The following PTPRM variants were observed in gnomAD, a reference collection of about 807,000 sequenced individuals.
PTPRM encodes the protein receptor-type tyrosine-protein phosphatase mu.
PTPRM carries 47 observed loss-of-function variants against 186.7 expected under a neutral mutation model. That is an observed-to-expected ratio of 0.25 (90% CI 0.20 to 0.32). The LOEUF is 0.32. Among genes scored for constraint, PTPRM ranks in the 10% least tolerant of loss-of-function variants. The pLI is 1.00. For synonymous variants in PTPRM, 668 were observed against 674.9 expected, an observed-to-expected ratio of 0.99 and a Z score of 0.16; for missense variants, 1,494 against 1,865.0, an observed-to-expected ratio of 0.80 and a Z score of 3.66.
chr18:7,633,976 C>T (rs1442066766), intron 1 of PTPRM, among the ~76,000 whole-genome samples: 3 of 152,072 alleles, frequency 2.0e-5, no homozygotes, highest in Non-Finnish European at 4.4e-5. Flanking sequence ...ATCACAGAGC[C>T]TCCAAAGTCT....
At chr18:8,297,288 C>T (rs947114575) in intron 20 of PTPRM, among the ~76,000 whole-genome samples, 9 of 152,218 alleles carry the variant, frequency 5.9e-5, no homozygotes, top group African/African-American at 2.2e-4. Context: ...TCTCGCTCCT[C>T]GTGTCTCATT....
chr18:8,061,386 C>G (rs1333951526), intron 7 of PTPRM, among the ~76,000 whole-genome samples: 1 of 142,302 alleles, frequency 7.0e-6, no homozygotes, highest in Non-Finnish European at 1.5e-5. Flanking sequence ...ATACAGCACA[C>G]TGATGGGTCT....
In PTPRM at chr18:7,816,320, C is replaced by A. The variant is rs570435860; in HGVS notation, c.196+42049C>A. 3.3e-5 allele frequency among the ~76,000 whole-genome samples: 5 copies of A among 152,292 alleles called. 1 individual carries two copies. In the South Asian group the frequency reaches 1.0e-3, roughly 32 times the overall value. On this transcript the variant is annotated intron_variant, in intron 2 of 32. Coordinates refer to ENST00000580170, the MANE Select transcript of PTPRM (RefSeq NM_001105244.2). ...GGCATAGAGATCTTCCAATTAGTTT[C>A]TTCCAACTTTTCTCTTGCATATAAC... is the stretch of plus-strand genomic sequence containing the variant.
intron 2 of PTPRM, among the ~76,000 whole-genome samples, chr18:7,847,706 G>A (rs2046665852): frequency 6.6e-6 from 1 of 152,112 alleles, no homozygotes; most frequent in Non-Finnish European, 1.5e-5. Flanking sequence ...AGATTAAAAA[G>A]GAAGGACCTT....
At chr18:7,770,698 A>G (rs2042232935) in intron 1 of PTPRM, among the ~76,000 whole-genome samples, 1 of 152,210 alleles carries the variant, frequency 6.6e-6, no homozygotes, top group Non-Finnish European at 1.5e-5. Context: ...CAGAACCTAT[A>G]CATTTTGCTA....
chr18:8,384,973 G>C (rs1217445386), intron 30 of PTPRM, among the ~76,000 whole-genome samples: 1 of 152,208 alleles, frequency 6.6e-6, no homozygotes, highest in Non-Finnish European at 1.5e-5. Context: ...GAGAGAGAGT[G>C]GGCTCAACTC....
intron 7 of PTPRM, among the ~76,000 whole-genome samples, chr18:7,984,549 A>G (rs1275942250): frequency 7.5e-6 from 1 of 133,340 alleles, no homozygotes; most frequent in African/African-American, 2.7e-5. Flanking sequence ...TAGTATACAT[A>G]TATGCCCCAT....
intron 2 of PTPRM, among the ~76,000 whole-genome samples, chr18:7,790,609 C>T (rs898907193): frequency 8.5e-5 from 13 of 152,144 alleles, no homozygotes; most frequent in African/African-American, 2.4e-4. Flanking sequence ...ATCTATTTTA[C>T]GAGTATTAAA....
chr18:8,243,344 C>T (rs139515903), intron 14 of PTPRM, among the ~76,000 whole-genome samples: 156 of 152,222 alleles, frequency 1.0e-3, no homozygotes, highest in Non-Finnish European at 1.7e-3. Context: ...GGGAACCCAG[C>T]GACATGACAT....
At chr18:7,714,247 C>A (rs946150152) in intron 1 of PTPRM, among the ~76,000 whole-genome samples, 49 of 152,140 alleles carry the variant, frequency 3.2e-4, no homozygotes, top group African/African-American at 1.2e-3. Context: ...GGAAACTGAA[C>A]AATCTCCTCC....
At chr18:8,266,866 C>A (rs1273209448) in intron 19 of PTPRM, among the ~76,000 whole-genome samples, 2 of 151,956 alleles carry the variant, frequency 1.3e-5, no homozygotes, top group Admixed American at 1.3e-4. Context: ...CGAGATCATA[C>A]CACTGCACTC....
rs1483617670 is a variant in PTPRM, at chr18:8,114,835, G to A, written c.2167+8G>A. The A allele has an allele frequency of 6.2e-7, 1 of 1,608,638 alleles. No individual in the cohort carries two copies. The highest frequency in any genetic ancestry group is 8.5e-7 in the Non-Finnish European group (1 of 1,176,886). ...TCCAAGTGGCCACAAAAGGTAGGTT[G>A]AAATTGTGGGATATTCTCCTAATTA... is the stretch of plus-strand genomic sequence containing the variant. On this transcript the variant is annotated splice_region_variant and intron_variant, in intron 13 of 32. Coordinates refer to ENST00000580170, the MANE Select transcript of PTPRM (RefSeq NM_001105244.2).
At chr18:8,296,495 CT>C (rs1405420846) in intron 20 of PTPRM, 40 bp downstream of exon 20, 3 of 1,436,322 alleles carry the variant, frequency 2.1e-6, no homozygotes, top group African/African-American at 1.4e-5. Context: ...GTAGAACTTC[CT>C]TTTTGCATCT....
intron 32 of PTPRM, among the ~76,000 whole-genome samples, chr18:8,396,525 G>C (rs559236324): frequency 6.6e-6 from 1 of 152,336 alleles, no homozygotes; most frequent in East Asian, 1.9e-4. Flanking sequence ...AATCAGTGGT[G>C]CACGCTGAAG....
intron 7 of PTPRM, among the ~76,000 whole-genome samples, chr18:8,006,984 A>T (rs2084226281): frequency 6.6e-6 from 1 of 152,196 alleles, no homozygotes; most frequent in Non-Finnish European, 1.5e-5. Flanking sequence ...TCTCTGTAGG[A>T]TACTTGTCAA....
intron 14 of PTPRM, among the ~76,000 whole-genome samples, chr18:8,165,034 T>A (rs2093298924): frequency 6.6e-6 from 1 of 151,700 alleles, no homozygotes. Context: ...CTGAGTACGG[T>A]GGCACACACC....
At chr18:8,363,465 A>G (rs1451662077) in intron 23 of PTPRM, among the ~76,000 whole-genome samples, 3 of 152,100 alleles carry the variant, frequency 2.0e-5, no homozygotes, top group Non-Finnish European at 4.4e-5. Flanking sequence ...ATCATGTACC[A>G]CTCTAAGAAA....
intron 14 of PTPRM, among the ~76,000 whole-genome samples, chr18:8,202,587 T>C (rs957023346): frequency 1.4e-5 from 2 of 140,824 alleles, no homozygotes; most frequent in Non-Finnish European, 3.0e-5. Context: ...ATTTGTTCTC[T>C]GATTTTTTTT....
chr18:8,180,977 C>A (rs1365907941), intron 14 of PTPRM, among the ~76,000 whole-genome samples: 2 of 152,138 alleles, frequency 1.3e-5, no homozygotes, highest in Non-Finnish European at 2.9e-5. Context: ...CTACTTGTGT[C>A]TGACTAGCTA....
Sources: allele counts gnomAD v4.1 joint callset (sites outside exome capture counted in the v4.1 genomes callset), GRCh38; gene constraint gnomAD v4.1.1; transcripts MANE v1.5; gene names NCBI Gene and HGNC (gene_info 2026-07-23, HGNC 2026-07-21).